Variants in BRINP1 observed in about 807,000 individuals in gnomAD.
BRINP1 encodes BMP/retinoic acid inducible neural specific 1.
Under a neutral mutation model 72.9 loss-of-function variants are expected in BRINP1, and 17 were observed. That is an observed-to-expected ratio of 0.23 (90% CI 0.16 to 0.35). The LOEUF (loss-of-function observed/expected upper bound fraction) is 0.35, where lower values mean the gene tolerates loss of function less well. Among genes scored for constraint, BRINP1 ranks in the 10% least tolerant of loss-of-function variants. The pLI, the probability that BRINP1 is intolerant of heterozygous loss-of-function variation, is 1.00. For synonymous variants in BRINP1, 418 were observed against 378.5 expected, an observed-to-expected ratio of 1.10 and a Z score of -1.21; for missense variants, 850 against 1,001.6, an observed-to-expected ratio of 0.85 and a Z score of 2.04.
intron 1 of BRINP1, among the ~76,000 whole-genome samples, chr9:119,331,701 G>GT (rs1481789103): frequency 2.0e-5 from 3 of 152,168 alleles, no homozygotes; most frequent in Middle Eastern, 3.2e-3. Context: ...AAGACCTCCA[G>GT]CTTTACTAAC....
intron 5 of BRINP1, among the ~76,000 whole-genome samples, chr9:119,238,400 G>A (rs892605976): frequency 5.5e-5 from 7 of 127,922 alleles, no homozygotes; most frequent in African/African-American, 1.0e-4. Flanking sequence ...ATTAATTAAA[G>A]CTCACATTTC....
intron 5 of BRINP1, 135 bp from the exon 6 acceptor site, chr9:119,214,290 G>T: frequency 1.5e-6 from 1 of 668,930 alleles, no homozygotes; most frequent in Non-Finnish European, 2.6e-6. Context: ...ATATTTCTGG[G>T]CCAACCTAGA....
rs61706928 is a variant in BRINP1, at chr9:119,242,979, C to CT, written c.410-764dup. Among the ~76,000 whole-genome samples, 679 of 146,970 alleles carry CT rather than the reference C, an allele frequency of 4.6e-3. 4 individuals are homozygous for CT. The highest frequency in any genetic ancestry group is 0.015 in the African/African-American group (624 of 40,362). ...GTGAACAAGGGCATGTTTCTTTTTT[C>CT]TTTTTTTTTTTTTCATTCTAAGAAG... On this transcript the variant is annotated intron_variant, in intron 3 of 7. Coordinates refer to ENST00000265922, the MANE Select transcript of BRINP1 (RefSeq NM_014618.3).
chr9:119,288,493 G>T (rs1275501862), intron 2 of BRINP1, among the ~76,000 whole-genome samples: 2 of 152,178 alleles, frequency 1.3e-5, no homozygotes, highest in Admixed American at 6.5e-5. Context: ...ATGAGAAAGA[G>T]TGGGAAAGAG....
chr9:119,214,209 A>G, intron 5 of BRINP1, 54 bp from the exon 6 acceptor site: 2 of 1,356,362 alleles, frequency 1.5e-6, no homozygotes, highest in South Asian at 2.5e-5. Context: ...AAGGTGTTTC[A>G]TTAACAATTT....
At chr9:119,213,561 T>C (rs759486200) in intron 6 of BRINP1, 122 of 445,496 alleles carry the variant, frequency 2.7e-4, no homozygotes, top group Admixed American at 4.0e-4. Flanking sequence ...CACAAACACA[T>C]ACACACACAA....
chr9:119,359,710 T>C (rs1433683489), intron 1 of BRINP1, among the ~76,000 whole-genome samples: 1 of 152,212 alleles, frequency 6.6e-6, no homozygotes, highest in East Asian at 1.9e-4. Flanking sequence ...TATATGGCCT[T>C]GGTCAAGTGG....
intron 1 of BRINP1, among the ~76,000 whole-genome samples, chr9:119,318,038 G>A (rs769521047): frequency 4.6e-5 from 7 of 152,182 alleles, no homozygotes; most frequent in Non-Finnish European, 7.3e-5. Context: ...CATCTGGAAC[G>A]CAACCTACAA....
chr9:119,169,370 A>C (rs1179243399), intron 7 of BRINP1, among the ~76,000 whole-genome samples: 1 of 151,818 alleles, frequency 6.6e-6, no homozygotes, highest in African/African-American at 2.4e-5. Flanking sequence ...GGGGTGACTG[A>C]CGGCACCTGG....
chr9:119,239,542 AG>A (rs1830226228), intron 4 of BRINP1, among the ~76,000 whole-genome samples: 1 of 152,206 alleles, frequency 6.6e-6, no homozygotes, highest in Admixed American at 6.5e-5. Flanking sequence ...CCCATTATTT[AG>A]GGTTGTTTTG....
At chr9:119,180,228 A>G (rs890866260) in intron 7 of BRINP1, among the ~76,000 whole-genome samples, 3 of 152,192 alleles carry the variant, frequency 2.0e-5, no homozygotes, top group Non-Finnish European at 4.4e-5. Flanking sequence ...GCCTACCAGG[A>G]GTGTGTATTT....
chr9:119,351,400 G>A (rs1342325557), intron 1 of BRINP1, among the ~76,000 whole-genome samples: 1 of 151,994 alleles, frequency 6.6e-6, no homozygotes, highest in South Asian at 2.1e-4. Flanking sequence ...GTAGAAGAAC[G>A]TGGAAGGCGA....
intron 2 of BRINP1, among the ~76,000 whole-genome samples, chr9:119,261,478 A>C (rs1305516534): frequency 1.4e-4 from 21 of 152,144 alleles, no homozygotes; most frequent in Admixed American, 1.4e-3. Context: ...CACACTGAGA[A>C]ATGCCAGTTT....
intron 5 of BRINP1, among the ~76,000 whole-genome samples, chr9:119,236,756 T>C (rs1390294133): frequency 6.6e-6 from 1 of 152,182 alleles, no homozygotes; most frequent in Non-Finnish European, 1.5e-5. Context: ...TCTACTTTCT[T>C]AACAGGCATT....
At chr9:119,218,885 A>G (rs906492366) in intron 5 of BRINP1, among the ~76,000 whole-genome samples, 14 of 151,928 alleles carry the variant, frequency 9.2e-5, no homozygotes, top group African/African-American at 3.4e-4. Context: ...CTGCATACAT[A>G]CATTCATATG....
At chr9:119,364,321 C>T (rs1341340461) in intron 1 of BRINP1, among the ~76,000 whole-genome samples, 3 of 152,140 alleles carry the variant, frequency 2.0e-5, no homozygotes, top group Non-Finnish European at 4.4e-5. Flanking sequence ...TCAAATATGA[C>T]ATAGGCTGGT....
chr9:119,325,580 C>G lies in BRINP1; in HGVS notation c.-50-12175G>C, dbSNP rs10984487. 4.6e-3 allele frequency among the ~76,000 whole-genome samples: 698 copies of G among 152,298 alleles called. 2 individuals carry two copies. Among genetic ancestry groups the G allele is most frequent in the Non-Finnish European group, 8.2e-3 (560 of 68,028 alleles). ...CACTTCTTTTTTCTAAGCCTATCCTCGTTTGACACCTGTCATTCCATTTGG... is the reference window on the plus strand; with the variant it reads ...CACTTCTTTTTTCTAAGCCTATCCTGGTTTGACACCTGTCATTCCATTTGG... On this transcript the variant is annotated intron_variant, in intron 1 of 7. Transcript: ENST00000265922.
chr9:119,337,658 T>C (rs1587965258), intron 1 of BRINP1, among the ~76,000 whole-genome samples: 1 of 152,242 alleles, frequency 6.6e-6, no homozygotes, highest in East Asian at 1.9e-4. Flanking sequence ...GAATTGAACC[T>C]GTGACCACAG....
intron 5 of BRINP1, among the ~76,000 whole-genome samples, chr9:119,214,641 G>T (rs1348448931): frequency 6.7e-6 from 1 of 149,524 alleles, no homozygotes; most frequent in Non-Finnish European, 1.5e-5. Flanking sequence ...AATATAATCA[G>T]CAGGTGTAGA....
Sources: gnomAD v4.1 joint callset for allele counts (sites outside exome capture counted in the v4.1 genomes callset) on GRCh38, gnomAD v4.1.1 for gene constraint, MANE v1.5 for transcripts, NCBI Gene and HGNC (gene_info 2026-07-23, HGNC 2026-07-21) for gene names.